PSMD7: variants seen among roughly 807,000 people sequenced by gnomAD.
PSMD7 encodes 26S proteasome non-ATPase regulatory subunit 7.
In PSMD7, 13 loss-of-function variants were observed where a neutral mutation model predicts 36.4. The observed-to-expected ratio is 0.36, with a 90% CI of 0.23 to 0.57. The LOEUF is 0.57. Ranked by LOEUF, PSMD7 falls within the 20% of genes least tolerant of loss-of-function variation. PSMD7 has a pLI of 0.83. For missense variants in PSMD7, 298 were observed against 393.6 expected (o/e 0.76, Z 2.06); for synonymous variants, 186 against 151.0 (o/e 1.23, Z -1.70).
chr16:74,301,772 CT>C (rs1422050744), intron 4 of PSMD7, 120 bp downstream of exon 4: 9 of 762,374 alleles, frequency 1.2e-5, no homozygotes, highest in Non-Finnish European at 1.7e-5. Flanking sequence ...CCATAAACTT[CT>C]GTTGATTTGT....
rs781019789 is a variant in PSMD7, at chr16:74,304,338, G to A, written c.474G>A (p.Val158=). Residue 158 remains valine (V), a synonymous_variant, in exon 6 of 7, where the codon GTG becomes GTA. Transcript: ENST00000219313. The stretch of plus-strand genomic sequence containing the variant: ...CAACCTCGAAAACATTTGAACACGT[G>A]ACCAGTGAAATTGGAGCAGAGGAAG... ...GTPTSKTFEH[V]TSEIGAEEAE... is the part of the protein sequence containing the mutation. The A allele has an allele frequency of 2.5e-6, 4 of 1,614,124 alleles. No individual in the cohort carries two copies. The highest frequency in any genetic ancestry group is 3.4e-6 in the Non-Finnish European group (4 of 1,180,000).
In PSMD7 at chr16:74,304,275, A is replaced by ATAAT. The variant is rs747936739; in HGVS notation, c.439-25_439-22dup. 3.1e-6 allele frequency: 5 copies of ATAAT among 1,596,362 alleles called. No homozygotes were observed. In the Admixed American group the frequency reaches 6.7e-5, roughly 21 times the overall value. ...ATGTCAGTTCGTTTGTGGAAAATAA[A>ATAAT]TAATTATAGTTAGGCTTCCTCTCCC... On this transcript the variant is annotated intron_variant, in intron 5 of 6. Transcript: ENST00000219313.
At chr16:74,304,550 C>A in intron 6 of PSMD7, 156 bp downstream of exon 6, 1 of 559,288 alleles carries the variant, frequency 1.8e-6, no homozygotes, top group Non-Finnish European at 3.2e-6. Flanking sequence ...CCTTTCCAGA[C>A]CTTTGTTTTA....
Position 74,296,816 on chromosome 16 carries a change from A to T in PSMD7, c.-99A>T. The T allele has an allele frequency of 7.6e-7, 1 of 1,323,854 alleles. No homozygotes were observed. Among genetic ancestry groups the T allele is most frequent in the South Asian group, 1.2e-5 (1 of 80,062 alleles). 82.0% of individuals were successfully genotyped at this position (1,323,854 alleles called of 1,614,324 possible). On this transcript the variant is annotated 5_prime_UTR_variant, in exon 1 of 7. Coordinates refer to ENST00000219313, the MANE Select transcript of PSMD7 (RefSeq NM_002811.5). ...GGCCGCGCGAGGGCTGACGAACCGGAAGAAGAGGAACTGGGCCTGAAAGGG... is the reference window on the plus strand; with the variant it reads ...GGCCGCGCGAGGGCTGACGAACCGGTAGAAGAGGAACTGGGCCTGAAAGGG...
intron 2 of PSMD7, chr16:74,300,451 A>T (rs765952378): frequency 2.0e-6 from 1 of 499,900 alleles, no homozygotes; most frequent in Non-Finnish European, 3.6e-6. Context: ...TGCTATAGAC[A>T]ACATGTAAAC....
chr16:74,301,641 T>C lies in PSMD7; in HGVS notation c.346T>C (p.Cys116Arg), dbSNP rs1334119154. 1.9e-6 allele frequency: 3 copies of C among 1,610,996 alleles called. No individual in the cohort carries two copies. In the African/African-American group the frequency reaches 4.0e-5, roughly 21 times the overall value. The part of the protein sequence containing the change: ...IAINELMKRY[C>R]PNSVLVIIDV... ...CATCAACGAACTCATGAAAAGATAC[T>C]GTCCTAATTCCGTAAGTGGTGTCTA... The change falls in exon 4 of 7, where the codon TGT (cysteine) becomes CGT (arginine). Residue 116 changes from cysteine (C) to arginine (R), a missense_variant. By Grantham distance (180) the Cys-to-Arg change is radical (BLOSUM62 -3). Coordinates refer to ENST00000219313, the MANE Select transcript of PSMD7 (RefSeq NM_002811.5).
At chr16:74,300,026 GCCATTGATATTTC>G in intron 1 of PSMD7, 76 bp from the exon 2 acceptor site, 2 of 1,126,962 alleles carry the variant, frequency 1.8e-6, no homozygotes, top group Non-Finnish European at 2.7e-6. Flanking sequence ...TTGTATCTGT[GCCATTGATATTTC>G]CCATTGAGTA....
At position 74,296,914 on chromosome 16, in the gene PSMD7, G is replaced by C; in HGVS notation, c.-1G>C. 6.2e-7 allele frequency: 1 copy of C among 1,613,214 alleles called. No homozygotes were observed. Among genetic ancestry groups the C allele is most frequent in the South Asian group, 1.1e-5 (1 of 90,870 alleles). On this transcript the variant is annotated 5_prime_UTR_variant, in exon 1 of 7. Coordinates refer to ENST00000219313, the MANE Select transcript of PSMD7 (RefSeq NM_002811.5). Reference sequence around the variant, plus strand: ...AGGCCTGGCGAGCGGGGTGTGTCGCGATGCCGGAGCTGGCAGTGCAGAAGG... The same window carrying C: ...AGGCCTGGCGAGCGGGGTGTGTCGCCATGCCGGAGCTGGCAGTGCAGAAGG...
intron 1 of PSMD7, among the ~76,000 whole-genome samples, chr16:74,297,448 C>T (rs2034122624): frequency 6.6e-6 from 1 of 151,962 alleles, no homozygotes; most frequent in Non-Finnish European, 1.5e-5. Context: ...ACCCCCGACC[C>T]CAGGGTCGTA....
Position 74,301,661 on chromosome 16 carries a change from T to C in PSMD7, c.357+9T>C. On this transcript the variant is annotated intron_variant, in intron 4 of 6. Transcript: ENST00000219313. ...GATACTGTCCTAATTCCGTAAGTGGTGTCTATTTTTAAAACTCTTGAATGA... is the reference window on the plus strand; with the variant it reads ...GATACTGTCCTAATTCCGTAAGTGGCGTCTATTTTTAAAACTCTTGAATGA... The C allele has an allele frequency of 6.3e-7, 1 of 1,598,546 alleles. No homozygotes were observed. Among genetic ancestry groups the C allele is most frequent in the Non-Finnish European group, 8.6e-7 (1 of 1,167,696 alleles).
chr16:74,297,891 C>T (rs959457537), intron 1 of PSMD7, among the ~76,000 whole-genome samples: 3 of 152,102 alleles, frequency 2.0e-5, no homozygotes, highest in African/African-American at 4.8e-5. Flanking sequence ...CCCCGAAGGG[C>T]TTCCTGGATC....
At position 74,301,080 on chromosome 16, in the gene PSMD7, T is replaced by C; in HGVS notation, c.195T>C (p.Asp65=). The change falls in exon 3 of 7, where the codon GAT becomes GAC. Residue 65 remains aspartate, a synonymous_variant. Transcript: ENST00000219313. ...AVPFDEDDKD[D]SVWFLDHDYL... is the part of the protein sequence containing the mutation. The stretch of plus-strand genomic sequence containing the variant: ...CTTTTGATGAAGATGACAAAGACGA[T>C]TCTGTATGGTTTTTAGACCATGATT... 6.2e-7 allele frequency: 1 copy of C among 1,613,006 alleles called. No individual in the cohort carries two copies. Among genetic ancestry groups the C allele is most frequent in the Non-Finnish European group, 8.5e-7 (1 of 1,179,190 alleles).
intron 1 of PSMD7, among the ~76,000 whole-genome samples, chr16:74,299,109 A>C (rs767397089): frequency 2.6e-5 from 4 of 152,046 alleles, no homozygotes; most frequent in Admixed American, 2.6e-4. Flanking sequence ...AGATTTGCCA[A>C]CTATATGCTA....
intron 4 of PSMD7, 34 bp downstream of exon 4, chr16:74,301,686 ATT>A (rs749922941): frequency 1.3e-6 from 2 of 1,561,902 alleles, no homozygotes; most frequent in Non-Finnish European, 1.8e-6. Context: ...CTCTTGAATG[ATT>A]TTTTTTGCCA....
At chr16:74,301,852 G>T (rs2034157594) in intron 4 of PSMD7, among the ~76,000 whole-genome samples, 200 bp downstream of exon 4, 1 of 152,022 alleles carries the variant, frequency 6.6e-6, no homozygotes, top group African/African-American at 2.4e-5. Context: ...CTAAGTACCA[G>T]GTGTATGAGT....
chr16:74,306,026 C>T lies in PSMD7; in HGVS notation c.*293C>T. 4.2e-6 allele frequency: 1 copy of T among 240,174 alleles called. No homozygotes were observed. The highest frequency in any genetic ancestry group is 1.7e-4 in the South Asian group (1 of 5,742). 14.9% of individuals were successfully genotyped at this position (240,174 alleles called of 1,614,324 possible). Reference sequence around the variant, plus strand: ...AACAAATATTTTGGTACTCTTCATTCATTTATCTCTAAAACCAGGAGTTGA... The same window carrying T: ...AACAAATATTTTGGTACTCTTCATTTATTTATCTCTAAAACCAGGAGTTGA... On this transcript the variant is annotated 3_prime_UTR_variant, in exon 7 of 7. Coordinates refer to ENST00000219313, the MANE Select transcript of PSMD7 (RefSeq NM_002811.5).
At chr16:74,302,063 T>C (rs1333870676) in intron 4 of PSMD7, 149 bp from the exon 5 acceptor site, 6 of 675,348 alleles carry the variant, frequency 8.9e-6, no homozygotes, top group East Asian at 7.9e-5. Flanking sequence ...GATGAGATCA[T>C]TTGAAGCATA....
chr16:74,297,857 T>C (rs1033845813), intron 1 of PSMD7, among the ~76,000 whole-genome samples: 2 of 152,128 alleles, frequency 1.3e-5, no homozygotes, highest in African/African-American at 2.4e-5. Context: ...GTTCCTGTTA[T>C]CGAAATCTGG....
intron 2 of PSMD7, among the ~76,000 whole-genome samples, chr16:74,300,647 G>T (rs149977784): frequency 0.019 from 2,839 of 152,230 alleles, 24 homozygotes; most frequent in Non-Finnish European, 0.03. Flanking sequence ...ATGATTAAAG[G>T]AACAACAATA....
Sources: gnomAD v4.1 joint callset for allele counts (sites outside exome capture counted in the v4.1 genomes callset) on GRCh38, gnomAD v4.1.1 for gene constraint, MANE v1.5 for transcripts, NCBI Gene and HGNC (gene_info 2026-07-23, HGNC 2026-07-21) for gene names.